Variants in TTLL5 observed in about 807,000 individuals in gnomAD.
TTLL5 encodes tubulin polyglutamylase TTLL5.
In TTLL5, 132 loss-of-function variants were observed where a neutral mutation model predicts 168.4. The ratio of observed to expected loss-of-function variants is 0.78; its 90% CI spans 0.68 to 0.91. TTLL5 has a LOEUF of 0.91. Among genes scored for constraint, TTLL5 ranks in the 40% least tolerant of loss-of-function variants. The pLI, the probability that TTLL5 is intolerant of heterozygous loss-of-function variation, is 0.00. For synonymous variants in TTLL5, 546 were observed against 558.6 expected (o/e 0.98, Z 0.32); for missense variants, 1,545 against 1,581.5 (o/e 0.98, Z 0.39).
intron 27 of TTLL5, among the ~76,000 whole-genome samples, chr14:75,810,799 G>A (rs538312127): frequency 5.3e-5 from 8 of 152,142 alleles, no homozygotes; most frequent in Admixed American, 1.3e-4. Flanking sequence ...CAGTTTCAGG[G>A]GCATGAAGAA....
At chr14:75,808,029 T>G (rs960845574) in intron 27 of TTLL5, among the ~76,000 whole-genome samples, 9 of 152,192 alleles carry the variant, frequency 5.9e-5, no homozygotes, top group Admixed American at 2.0e-4. Flanking sequence ...CTCAGCCTTG[T>G]TAATCACTAG....
intron 15 of TTLL5, among the ~76,000 whole-genome samples, chr14:75,740,944 T>C (rs1889224874): frequency 6.6e-6 from 1 of 152,214 alleles, no homozygotes; most frequent in African/African-American, 2.4e-5. Context: ...CCCTCAATTA[T>C]GACATAGTCT....
chr14:75,915,400 T>C (rs2033580151), intron 31 of TTLL5, among the ~76,000 whole-genome samples: 1 of 152,218 alleles, frequency 6.6e-6, no homozygotes, highest in African/African-American at 2.4e-5. Flanking sequence ...TCCTTACTTC[T>C]TTTTGCTTCA....
At chr14:75,953,419 A>G (rs1398180891) in intron 31 of TTLL5, among the ~76,000 whole-genome samples, 1 of 152,250 alleles carries the variant, frequency 6.6e-6, no homozygotes, top group Non-Finnish European at 1.5e-5. Flanking sequence ...TACCAGTAGT[A>G]TACTGAGATT....
intron 18 of TTLL5, among the ~76,000 whole-genome samples, chr14:75,759,452 A>G (rs1246626367): frequency 3.9e-5 from 6 of 152,282 alleles, no homozygotes; most frequent in African/African-American, 1.2e-4. Context: ...TCTGTCAAGC[A>G]TTTGAGGAAT....
chr14:75,691,625 G>A (rs186744853), intron 6 of TTLL5, among the ~76,000 whole-genome samples: 15 of 152,324 alleles, frequency 9.8e-5, no homozygotes, highest in African/African-American at 3.1e-4. Flanking sequence ...ACTGGGCAGC[G>A]TGCATGCAAT....
Position 75,681,610 on chromosome 14 carries a change from G to A in TTLL5, c.247G>A (p.Ala83Thr). The change falls in exon 4 of 32, where the codon GCC becomes ACC. Residue 83 changes from alanine to threonine, a missense_variant. Ala to Thr is a moderately conservative substitution (Grantham distance 58). Coordinates refer to ENST00000298832, the MANE Select transcript of TTLL5 (RefSeq NM_015072.5). ...TCGCCTAGTACGCAGCATTCTGACAGCCCATGGATTTCATGAAGTAAGTTT... is the reference window on the plus strand; with the variant it reads ...TCGCCTAGTACGCAGCATTCTGACAACCCATGGATTTCATGAAGTAAGTTT... ...DSRLVRSILT[A>T]HGFHEVHPSS... 6.2e-7 allele frequency: 1 copy of A among 1,613,286 alleles called. No homozygotes were observed. The highest frequency in any genetic ancestry group is 2.2e-5 in the East Asian group (1 of 44,862).
intron 5 of TTLL5, among the ~76,000 whole-genome samples, chr14:75,689,129 C>T (rs1171307112): frequency 1.3e-5 from 2 of 152,172 alleles, no homozygotes; most frequent in Non-Finnish European, 2.9e-5. Context: ...AACCAGTTGT[C>T]ACGTCATGAA....
intron 31 of TTLL5, 95 bp from the exon 32 acceptor site, chr14:75,954,329 C>G: frequency 1.6e-6 from 2 of 1,242,490 alleles, no homozygotes; most frequent in South Asian, 1.2e-5. Context: ...CTTCTTTATT[C>G]TTCAGTGATG....
At chr14:75,739,334 G>T (rs767794485) in intron 15 of TTLL5, among the ~76,000 whole-genome samples, 1 of 151,808 alleles carries the variant, frequency 6.6e-6, no homozygotes, top group Non-Finnish European at 1.5e-5. Flanking sequence ...ACTTTGCAAT[G>T]TTCTATTTTG....
intron 18 of TTLL5, among the ~76,000 whole-genome samples, chr14:75,753,343 T>G (rs1890069148): frequency 6.6e-6 from 1 of 152,134 alleles, no homozygotes; most frequent in Non-Finnish European, 1.5e-5. Context: ...GGGAGGTAAT[T>G]CGTAAAATAA....
chr14:75,714,113 T>A lies in TTLL5; in HGVS notation c.741-3748T>A, dbSNP rs537023929. On this transcript the variant is annotated intron_variant, in intron 9 of 31. Transcript: ENST00000298832. ...TGAAGATTACAGGCCAGTCATTTTG[T>A]GGATTGTCCCTCAGTTTGGGCTTGT... is the stretch of plus-strand genomic sequence containing the variant. Among the ~76,000 whole-genome samples the A allele has an allele frequency of 4.5e-4, 68 of 152,322 alleles. 1 individual carries two copies. Among genetic ancestry groups the A allele is most frequent in the Middle Eastern group, 3.4e-3 (1 of 294 alleles).
At chr14:75,912,065 C>T (rs2033411188) in intron 31 of TTLL5, among the ~76,000 whole-genome samples, 1 of 46,222 alleles carries the variant, frequency 2.2e-5, no homozygotes, top group Non-Finnish European at 4.8e-5. Context: ...TCGGGTTAGC[C>T]CATCCCGTGG....
At chr14:75,781,731 G>C (rs576644237) in intron 24 of TTLL5, among the ~76,000 whole-genome samples, 1 of 152,110 alleles carries the variant, frequency 6.6e-6, no homozygotes, top group Non-Finnish European at 1.5e-5. Flanking sequence ...GAGGCAGGTG[G>C]ATCACCTGAG....
chr14:75,711,878 T>G (rs548550957), intron 9 of TTLL5: 1 of 152,346 alleles, frequency 6.6e-6, no homozygotes, highest in Non-Finnish European at 1.5e-5. Flanking sequence ...AGAATTCAGG[T>G]ACTTGCTGGT....
At chr14:75,888,729 T>G (rs2032241389) in intron 30 of TTLL5, among the ~76,000 whole-genome samples, 1 of 150,106 alleles carries the variant, frequency 6.7e-6, no homozygotes, top group Non-Finnish European at 1.5e-5. Flanking sequence ...AGGTCAGGAG[T>G]TCGAGACCAG....
intron 30 of TTLL5, among the ~76,000 whole-genome samples, chr14:75,898,211 A>G: frequency 6.6e-6 from 1 of 152,358 alleles, no homozygotes; most frequent in Non-Finnish European, 1.5e-5. Flanking sequence ...TGTAATTTCA[A>G]CAAAGTGGCT....
intron 9 of TTLL5, among the ~76,000 whole-genome samples, chr14:75,717,338 C>T (rs978688132): frequency 5.9e-5 from 9 of 152,112 alleles, no homozygotes; most frequent in Middle Eastern, 3.2e-3. Flanking sequence ...TGGTCTCAAA[C>T]TCCTGGGCTC....
intron 3 of TTLL5, among the ~76,000 whole-genome samples, chr14:75,678,948 T>C (rs1884388844): frequency 6.6e-6 from 1 of 152,214 alleles, no homozygotes; most frequent in African/African-American, 2.4e-5. Flanking sequence ...TGATTCTTGT[T>C]TGAATCACTT....
Sources: gnomAD v4.1 joint callset for allele counts (sites outside exome capture counted in the v4.1 genomes callset) on GRCh38, gnomAD v4.1.1 for gene constraint, MANE v1.5 for transcripts, NCBI Gene and HGNC (gene_info 2026-07-23, HGNC 2026-07-21) for gene names.